RPTOR: variants seen among roughly 807,000 people sequenced by gnomAD.
RPTOR encodes the protein regulatory-associated protein of mTOR.
In RPTOR, 21 loss-of-function variants were observed where a neutral mutation model predicts 169.9. The ratio of observed to expected loss-of-function variants is 0.12; its 90% CI spans 0.09 to 0.18. The LOEUF is 0.18. Among genes scored for constraint, RPTOR ranks in the 10% least tolerant of loss-of-function variants. The pLI is 1.00. For synonymous variants in RPTOR, 732 were observed against 753.2 expected (o/e 0.97, Z 0.46); for missense variants, 1,133 against 1,855.9 (o/e 0.61, Z 7.16).
Position 80,707,741 on chromosome 17 carries a change from C to T in RPTOR, c.349-100C>T. The T allele has an allele frequency of 8.6e-7, 1 of 1,161,656 alleles. No homozygotes were observed. The highest frequency in any genetic ancestry group is 2.5e-5 in the East Asian group (1 of 40,466). The allele number at this position is 1,161,656 out of a possible 1,614,324, so 72.0% of individuals were successfully genotyped here. ...ACTCAGAGCCATGTGTCCAGGACCA[C>T]ACAGCTATTAACTGCAAACCCAGAG... is the stretch of plus-strand genomic sequence containing the variant. On this transcript the variant is annotated intron_variant, in intron 3 of 33. Coordinates refer to ENST00000306801, the MANE Select transcript of RPTOR (RefSeq NM_020761.3). The surrounding 1 kb of genome is among the most constrained non-coding windows in gnomAD (Gnocchi z 5.0).
chr17:80,757,166 G>C (rs907258072), intron 6 of RPTOR, among the ~76,000 whole-genome samples: 1 of 152,174 alleles, frequency 6.6e-6, no homozygotes, highest in Non-Finnish European at 1.5e-5. Context: ...GGGGCATCCC[G>C]TGTTGAGAGA....
At chr17:80,870,527 C>T (rs186981246) in intron 13 of RPTOR, among the ~76,000 whole-genome samples, 40 of 152,280 alleles carry the variant, frequency 2.6e-4, no homozygotes, top group Admixed American at 1.2e-3. Context: ...CACACGTACA[C>T]GCAAAACTCA....
intron 9 of RPTOR, among the ~76,000 whole-genome samples, chr17:80,836,757 C>T (rs2067568700): frequency 1.3e-5 from 2 of 152,028 alleles, no homozygotes; most frequent in Non-Finnish European, 2.9e-5. Flanking sequence ...AGGACAACAC[C>T]GAGGCTCTGA....
At chr17:80,884,088 G>C in intron 16 of RPTOR, 116 bp downstream of exon 16, 1 of 975,784 alleles carries the variant, frequency 1.0e-6, no homozygotes, top group Admixed American at 2.4e-5. Flanking sequence ...TTCAGGGGCT[G>C]CACGCTAATA....
chr17:80,766,858 CTAAG>C (rs2066792791), intron 6 of RPTOR, among the ~76,000 whole-genome samples: 1 of 151,968 alleles, frequency 6.6e-6, no homozygotes, highest in East Asian at 1.9e-4. Context: ...ACATTAAACC[CTAAG>C]TAAGTAGAAG....
chr17:80,793,276 G>A (rs2067068154), intron 7 of RPTOR, among the ~76,000 whole-genome samples: 1 of 152,182 alleles, frequency 6.6e-6, no homozygotes, highest in African/African-American at 2.4e-5. Context: ...AATCCGAAAC[G>A]CTTCCGGTTC....
Position 80,826,076 on chromosome 17 carries a change from G to A in RPTOR, c.1136+2853G>A, listed in dbSNP as rs1014117263. Among the ~76,000 whole-genome samples, 22 of 152,264 alleles carry A rather than the reference G, an allele frequency of 1.4e-4. 1 individual carries two copies. The highest frequency in any genetic ancestry group is 4.6e-4 in the African/African-American group (19 of 41,544). On this transcript the variant is annotated intron_variant, in intron 9 of 33. Coordinates refer to ENST00000306801, the MANE Select transcript of RPTOR (RefSeq NM_020761.3). ...GTGAGTGGGCCTGCCTGCATTCTGC[G>A]TTGGTTGTCAGACATAGGCCACCCA...
chr17:80,765,133 G>A lies in RPTOR; in HGVS notation c.830+10948G>A, dbSNP rs190450890. Among the ~76,000 whole-genome samples the A allele has an allele frequency of 8.5e-3, 1,266 of 149,214 alleles. 16 individuals are homozygous for A. The highest frequency in any genetic ancestry group is 0.028 in the African/African-American group (1,167 of 41,372). The stretch of plus-strand genomic sequence containing the variant: ...AAGAGAGCGAATCTGAAAGATACAG[G>A]CAGCCCTACGCTGTCCGTCGCATCT... On this transcript the variant is annotated intron_variant, in intron 6 of 33. Coordinates refer to ENST00000306801, the MANE Select transcript of RPTOR (RefSeq NM_020761.3).
chr17:80,847,648 A>G (rs1008710674), intron 11 of RPTOR, among the ~76,000 whole-genome samples: 2 of 152,204 alleles, frequency 1.3e-5, no homozygotes, highest in East Asian at 3.9e-4. Context: ...GACTCCCCCC[A>G]CACACAGGAA....
chr17:80,777,691 G>C (rs2066904924), intron 6 of RPTOR, among the ~76,000 whole-genome samples: 1 of 152,196 alleles, frequency 6.6e-6, no homozygotes, highest in Non-Finnish European at 1.5e-5. Flanking sequence ...AGGTTATGAA[G>C]TTTGACGCCT....
chr17:80,598,510 T>G, intron 1 of RPTOR, among the ~76,000 whole-genome samples: 1 of 152,220 alleles, frequency 6.6e-6, no homozygotes. Flanking sequence ...TTTAAAAATG[T>G]GAAGGTCATC....
At chr17:80,938,452 C>T (rs777648436) in intron 24 of RPTOR, among the ~76,000 whole-genome samples, 12 of 152,220 alleles carry the variant, frequency 7.9e-5, no homozygotes, top group Non-Finnish European at 1.6e-4. Flanking sequence ...TCCTGCACAG[C>T]TTTGAGTCTT....
At chr17:80,615,297 C>T (rs2065301125) in intron 1 of RPTOR, among the ~76,000 whole-genome samples, 1 of 152,102 alleles carries the variant, frequency 6.6e-6, no homozygotes, top group African/African-American at 2.4e-5. Flanking sequence ...ACAGGGTGCT[C>T]ACCTCCCTGT....
rs2067408090 is a variant in RPTOR, at chr17:80,823,671, ACACACAC to A, written c.1136+449_1136+455del. On this transcript the variant is annotated intron_variant, in intron 9 of 33. Coordinates refer to ENST00000306801, the MANE Select transcript of RPTOR (RefSeq NM_020761.3). The surrounding 1 kb of genome is among the most constrained non-coding windows in gnomAD (Gnocchi z 4.5). ...CACACACACACACACACACACACACACACACACAACGCTCATAAGTGTAATCCTTTAT... is the reference window on the plus strand; with the variant it reads ...CACACACACACACACACACACACACAAACGCTCATAAGTGTAATCCTTTAT... 1.3e-5 allele frequency: 2 copies of A among 152,426 alleles called. No individual in the cohort carries two copies. Among genetic ancestry groups the A allele is most frequent in the Non-Finnish European group, 2.9e-5 (2 of 68,126 alleles). The allele number at this position is 152,426 out of a possible 1,614,324, so 9.4% of individuals were successfully genotyped here. A position where few individuals can be genotyped will look rare whatever the true frequency, so the allele number is the denominator to read the frequency against.
intron 1 of RPTOR, among the ~76,000 whole-genome samples, chr17:80,588,388 C>G (rs2065079795): frequency 6.6e-6 from 1 of 152,142 alleles, no homozygotes; most frequent in South Asian, 2.1e-4. Context: ...GTCTCAAACT[C>G]CTGACCTCAG....
intron 1 of RPTOR, among the ~76,000 whole-genome samples, chr17:80,557,327 C>T (rs147990528): frequency 1.5e-3 from 228 of 152,224 alleles, no homozygotes; most frequent in Non-Finnish European, 2.5e-3. Context: ...CAAGACCAGC[C>T]TGGTCAACAT....
chr17:80,798,610 A>G (rs1293328285), intron 7 of RPTOR, among the ~76,000 whole-genome samples: 2 of 151,872 alleles, frequency 1.3e-5, no homozygotes, highest in Non-Finnish European at 1.5e-5. Flanking sequence ...CTCCCATCGC[A>G]TGTGGGAGCA....
chr17:80,667,657 G>T (rs1267123208), intron 3 of RPTOR, among the ~76,000 whole-genome samples: 3 of 152,180 alleles, frequency 2.0e-5, no homozygotes, highest in Non-Finnish European at 2.9e-5. Flanking sequence ...TTGGGACAAA[G>T]ATAACAAGTT....
At chr17:80,719,703 G>A (rs902239007) in intron 4 of RPTOR, among the ~76,000 whole-genome samples, 20 of 152,114 alleles carry the variant, frequency 1.3e-4, no homozygotes, top group African/African-American at 4.1e-4. Context: ...GCAGGGGGTC[G>A]TGGCCCCGAA....
Sources: allele counts gnomAD v4.1 joint callset (sites outside exome capture counted in the v4.1 genomes callset), GRCh38; gene constraint gnomAD v4.1.1; non-coding constraint Gnocchi (gnomAD v3.1); transcripts MANE v1.5; gene names NCBI Gene and HGNC (gene_info 2026-07-23, HGNC 2026-07-21).